ATP7A: variants seen among roughly 807,000 people sequenced by gnomAD.
ATP7A encodes ATPase copper transporting alpha.
Under a neutral mutation model 83.5 loss-of-function variants are expected in ATP7A, and 7 were observed. The ratio of observed to expected loss-of-function variants is 0.08; its 90% CI spans 0.05 to 0.16. The LOEUF (loss-of-function observed/expected upper bound fraction) is 0.16. Among genes scored for constraint, ATP7A ranks in the 10% least tolerant of loss-of-function variants. The probability of loss-of-function intolerance (pLI) is 1.00; values close to 1 mark genes in which losing one functional copy is unlikely to be tolerated. For missense variants in ATP7A, 940 were observed against 1,120.8 expected (o/e 0.84, Z 2.30); for synonymous variants, 354 against 395.2 (o/e 0.90, Z 1.24).
At chrX:77,962,475 G>A in intron 1 of ATP7A, 1 of 228,678 alleles carries the variant, frequency 4.4e-6, no homozygotes, top group Non-Finnish European at 8.3e-6. Flanking sequence ...TCCTTGCTTT[G>A]TTTGTGCGTT....
chrX:77,942,148 TG>T (rs2077354587), intron 1 of ATP7A, among the ~76,000 whole-genome samples: 1 of 112,389 alleles, frequency 8.9e-6, no homozygotes, highest in Non-Finnish European at 1.9e-5. Context: ...GCAGATTGAT[TG>T]GTATTTGTTG....
Position 78,002,799 on chromosome X carries a change from TACACAC to T in ATP7A, c.1544-234_1544-229del, listed in dbSNP as rs781808445. Reference sequence around the variant, plus strand: ...GTACGTCAAGTTTATTATGTTCTTATACACACACACACACACACACACACACACACA... The same window carrying T: ...GTACGTCAAGTTTATTATGTTCTTATACACACACACACACACACACACACA... On this transcript the variant is annotated intron_variant, in intron 5 of 22. Transcript: ENST00000341514. Among the ~76,000 whole-genome samples, 4,382 of 87,044 alleles carry T rather than the reference TACACAC, an allele frequency of 0.05. 103 individuals carry two copies. The highest frequency in any genetic ancestry group is 0.11 in the Middle Eastern group (20 of 179). The allele number at this position is 87,044 out of a possible 115,157, so 75.6% of individuals were successfully genotyped here.
intron 12 of ATP7A, 125 bp from the exon 13 acceptor site, chrX:78,020,119 T>G: frequency 1.2e-6 from 1 of 857,642 alleles, no homozygotes; most frequent in East Asian, 3.2e-5. Flanking sequence ...GGAAAGCAAC[T>G]TTCACCTAGG....
intron 5 of ATP7A, among the ~76,000 whole-genome samples, chrX:77,999,668 C>T (rs1557232934): frequency 9.0e-6 from 1 of 111,249 alleles, no homozygotes; most frequent in Non-Finnish European, 1.9e-5. Flanking sequence ...CTTTGGGAGG[C>T]CGAGGTGGGC....
chrX:77,998,811 G>A, intron 5 of ATP7A, 127 bp downstream of exon 5: 1 of 745,976 alleles, frequency 1.3e-6, no homozygotes, highest in Non-Finnish European at 2.1e-6. Context: ...TCAGTAATGT[G>A]TGGGACAACC....
intron 1 of ATP7A, among the ~76,000 whole-genome samples, chrX:77,918,212 A>G (rs1389470000): frequency 2.7e-5 from 3 of 109,278 alleles, no homozygotes; most frequent in African/African-American, 1.0e-4. Flanking sequence ...GACCACAGGC[A>G]TGTGCCACCA....
chrX:77,975,965 C>G (rs2077574708), intron 2 of ATP7A: 1 of 112,039 alleles, frequency 8.9e-6, no homozygotes, highest in Admixed American at 9.5e-5. Flanking sequence ...GCTGGAGGTT[C>G]TCTGTAATTT....
At chrX:77,948,405 C>G (rs975331487) in intron 1 of ATP7A, among the ~76,000 whole-genome samples, 2 of 112,084 alleles carry the variant, frequency 1.8e-5, no homozygotes, top group Non-Finnish European at 1.9e-5. Flanking sequence ...GGATTACAGG[C>G]GTGAGCCACC....
intron 14 of ATP7A, among the ~76,000 whole-genome samples, chrX:78,024,902 C>T (rs2077932315): frequency 9.0e-6 from 1 of 111,333 alleles, no homozygotes; most frequent in South Asian, 3.8e-4. Context: ...CTACCTGGCA[C>T]CAACCTACCT....
chrX:78,003,423 G>A (rs782762933), intron 6 of ATP7A, among the ~76,000 whole-genome samples, 187 bp downstream of exon 6: 13 of 110,163 alleles, frequency 1.2e-4, no homozygotes, highest in Admixed American at 8.9e-4. Flanking sequence ...GATAATTGTC[G>A]TATCTCTGTT....
intron 9 of ATP7A, 86 bp downstream of exon 9, chrX:78,011,760 T>C (rs781784170): frequency 2.0e-5 from 17 of 858,918 alleles, no homozygotes; most frequent in Non-Finnish European, 2.9e-5. Flanking sequence ...GCTACAAAAC[T>C]GATGTTAGCT....
chrX:78,004,620 C>A (rs1000816251), intron 6 of ATP7A, among the ~76,000 whole-genome samples: 1 of 111,000 alleles, frequency 9.0e-6, no homozygotes, highest in Non-Finnish European at 1.9e-5. Context: ...TGGTGGCTCA[C>A]GCCTGTAATC....
At chrX:77,949,507 T>A (rs1295508089) in intron 1 of ATP7A, among the ~76,000 whole-genome samples, 2 of 112,247 alleles carry the variant, frequency 1.8e-5, no homozygotes, top group African/African-American at 3.2e-5. Flanking sequence ...TTTTTGCTGT[T>A]ATTTAATCAA....
chrX:77,914,003 C>T (rs2077173039), intron 1 of ATP7A, among the ~76,000 whole-genome samples: 1 of 112,047 alleles, frequency 8.9e-6, no homozygotes. Context: ...TTGTTTTAGA[C>T]TGGCCATTAA....
chrX:78,029,585 A>G, intron 15 of ATP7A, 141 bp downstream of exon 15: 1 of 658,531 alleles, frequency 1.5e-6, no homozygotes, highest in East Asian at 3.5e-5. Flanking sequence ...GATTTGAGGT[A>G]GGAAAGGTGT....
intron 1 of ATP7A, among the ~76,000 whole-genome samples, chrX:77,968,330 T>C (rs1313857304): frequency 1.8e-5 from 2 of 112,370 alleles, no homozygotes; most frequent in East Asian, 5.5e-4. Context: ...AAAGTAAATA[T>C]AACACATAAC....
rs782511261 is a variant in ATP7A at position 78,026,639 on chromosome X, T to C, written c.2917-2611T>C. Among the ~76,000 whole-genome samples the C allele has an allele frequency of 4.5e-4, 50 of 111,972 alleles. 1 individual carries two copies. The highest frequency in any genetic ancestry group is 4.6e-3 in the Middle Eastern group (1 of 218). ...TCAATAACCACAGAGTATATATTCT[T>C]CTCATATGAACATGGTACATTCCCT... On this transcript the variant is annotated intron_variant, in intron 14 of 22. Transcript: ENST00000341514.
rs1021686980 is a variant in ATP7A at position 78,021,012 on chromosome X, T to C, written c.2849T>C (p.Ile950Thr). The stretch of plus-strand genomic sequence containing the variant: ...GTTCCTTTTATTGTTTTTGTTTCCA[T>C]TGCCACCCTCTTGGTATGGATTGTA... ...YFVPFIVFVS[I>T]ATLLVWIVIG... Residue 950 changes from isoleucine (I) to threonine (T), a missense_variant, in exon 14 of 23, where the codon ATT becomes ACT. By Grantham distance (89) the Ile-to-Thr change is moderately conservative. Around this residue, in one of 3 missense-constraint regions of ATP7A, gnomAD observed 386 missense variants for 502.2 expected, o/e 0.77. Transcript: ENST00000341514. The C allele has an allele frequency of 6.6e-6, 8 of 1,204,330 alleles. No individual in the cohort carries two copies. The highest frequency in any genetic ancestry group is 9.0e-6 in the Non-Finnish European group (8 of 890,528).
intron 18 of ATP7A, among the ~76,000 whole-genome samples, chrX:78,040,104 G>A (rs1432556355): frequency 9.1e-6 from 1 of 109,941 alleles, no homozygotes; most frequent in Non-Finnish European, 1.9e-5. Context: ...AAGAAGCAGA[G>A]AATACCATTT....
Sources: allele counts gnomAD v4.1 joint callset (sites outside exome capture counted in the v4.1 genomes callset), GRCh38; gene constraint gnomAD v4.1.1; regional missense constraint gnomAD v4.1.1; transcripts MANE v1.5; gene names NCBI Gene and HGNC (gene_info 2026-07-23, HGNC 2026-07-21).